SALL1: variants seen among roughly 807,000 people sequenced by gnomAD.
SALL1 encodes the protein spalt like transcription factor 1.
In SALL1, 10 loss-of-function variants were observed where a neutral mutation model predicts 73.1. The ratio of observed to expected loss-of-function variants is 0.14; its 90% CI spans 0.08 to 0.23. The LOEUF (loss-of-function observed/expected upper bound fraction) is 0.23. Among genes scored for constraint, SALL1 ranks in the 10% least tolerant of loss-of-function variants. The pLI is 1.00. For synonymous variants in SALL1, 688 were observed against 689.8 expected, an observed-to-expected ratio of 1.00 and a Z score of 0.04; for missense variants, 1,520 against 1,697.3, an observed-to-expected ratio of 0.90 and a Z score of 1.84.
chr16:51,140,367 G>A lies in SALL1; in HGVS notation c.1855C>T (p.Pro619Ser). Reference sequence around the variant, plus strand: ...CTCTCTTCGCTTTTGCCACCAGAGGGTGGCAGAGTGGACCCTTCGGCTTCC... The same window carrying A: ...CTCTCTTCGCTTTTGCCACCAGAGGATGGCAGAGTGGACCCTTCGGCTTCC... ...PEEAEGSTLPPSGGKSEESGM... is the reference protein window; with the variant it reads ...PEEAEGSTLPSSGGKSEESGM... The change falls in exon 2 of 3, where the codon CCC becomes TCC. Residue 619 changes from proline to serine, a missense_variant. Transcript: ENST00000251020. The surrounding 1 kb of genome is among the most constrained non-coding windows in gnomAD (Gnocchi z 5.7). The A allele has an allele frequency of 6.2e-7, 1 of 1,614,156 alleles. No homozygotes were observed. Among genetic ancestry groups the A allele is most frequent in the Non-Finnish European group, 8.5e-7 (1 of 1,180,028 alleles).
In SALL1 at chr16:51,139,540, C is replaced by T; in HGVS notation, c.2682G>A (p.Glu894=). The change falls in exon 2 of 3, where the codon GAG becomes GAA. Residue 894 remains glutamate, a synonymous_variant. Coordinates refer to ENST00000251020, the MANE Select transcript of SALL1 (RefSeq NM_002968.3). ...ATGAATCATTGGTCAGGACATCCCCCTCGATGGACCCATTCTCCACTGACT... is the reference window on the plus strand; with the variant it reads ...ATGAATCATTGGTCAGGACATCCCCTTCGATGGACCCATTCTCCACTGACT... ...SLKSVENGSI[E]GDVLTNDSSS... is the part of the protein sequence containing the mutation. 1 of 1,614,230 alleles carries T rather than the reference C, an allele frequency of 6.2e-7. No individual in the cohort carries two copies.
At chr16:51,150,086 G>C (rs896072289) in intron 1 of SALL1, among the ~76,000 whole-genome samples, 1 of 152,204 alleles carries the variant, frequency 6.6e-6, no homozygotes, top group Non-Finnish European at 1.5e-5. Context: ...CCGGTACCGT[G>C]AAACACCTTT....
intron 1 of SALL1, 84 bp from the exon 2 acceptor site, chr16:51,142,229 A>C: frequency 9.1e-7 from 1 of 1,103,206 alleles, no homozygotes; most frequent in Non-Finnish European, 1.4e-6. Context: ...AGGCTAATCA[A>C]TGGTTTTCCA....
At chr16:51,150,449 C>T (rs928924208) in intron 1 of SALL1, 27 of 985,480 alleles carry the variant, frequency 2.7e-5, no homozygotes, top group Non-Finnish European at 3.3e-5. Context: ...TTTTGCGAGC[C>T]AGACCCCGAC....
chr16:51,151,159 C>T lies in SALL1; in HGVS notation c.76+7G>A. ...TGTGTGTCCACGGCGCGGGCCGGAG[C>T]ACTCACCATCTCGCCGGGGGAGCGA... On this transcript the variant is annotated splice_region_variant and intron_variant, in intron 1 of 2. Transcript: ENST00000251020. 6.3e-7 allele frequency: 1 copy of T among 1,591,998 alleles called. No individual in the cohort carries two copies. Among genetic ancestry groups the T allele is most frequent in the East Asian group, 2.3e-5 (1 of 43,926 alleles).
In SALL1 at chr16:51,137,039, G is replaced by T; in HGVS notation, c.*73C>A. ...AAGGAAGGGGCGGGGCGGGGTGGGG[G>T]GCAAGGAGTAGGAGGCCACCATAGG... On this transcript the variant is annotated 3_prime_UTR_variant, in exon 3 of 3. Transcript: ENST00000251020. 6.4e-6 allele frequency: 9 copies of T among 1,396,206 alleles called. No homozygotes were observed. The highest frequency in any genetic ancestry group is 9.0e-6 in the Non-Finnish European group (9 of 995,064). The allele number at this position is 1,396,206 out of a possible 1,614,324, so 86.5% of individuals were successfully genotyped here.
intron 1 of SALL1, among the ~76,000 whole-genome samples, chr16:51,148,880 T>C (rs1057100385): frequency 3.7e-5 from 5 of 135,618 alleles, no homozygotes; most frequent in Admixed American, 1.6e-4. Context: ...CCATTACTAC[T>C]GAAGAAAAAG....
At position 51,136,339 on chromosome 16, in the gene SALL1, T is replaced by C. The variant is rs1406906757; in HGVS notation, c.*773A>G. The C allele has an allele frequency of 1.3e-5, 2 of 152,670 alleles. No individual in the cohort carries two copies. Among genetic ancestry groups the C allele is most frequent in the Admixed American group, 6.5e-5 (1 of 15,288 alleles). 9.5% of individuals were successfully genotyped at this position (152,670 alleles called of 1,614,324 possible). ...GTGAAATTCCAGCACACATTTTCTA[T>C]CGTGAATATACCTACAAGGCAAAAT... On this transcript the variant is annotated 3_prime_UTR_variant, in exon 3 of 3. Coordinates refer to ENST00000251020, the MANE Select transcript of SALL1 (RefSeq NM_002968.3).
chr16:51,139,763 T>G lies in SALL1; in HGVS notation c.2459A>C (p.Asp820Ala), dbSNP rs1962381079. The stretch of plus-strand genomic sequence containing the variant: ...GTTTTCATCAGAGAAGTTGTCTAGG[T>G]CATCAAAATTTTTCTCATCAAAGGA... Reference protein sequence around the residue: ...TGSFDEKNFDDLDNFSDENME... With the variant: ...TGSFDEKNFDALDNFSDENME... The change falls in exon 2 of 3, where the codon GAC becomes GCC. Residue 820 changes from aspartate to alanine, a missense_variant. This residue lies in a region of SALL1 where 266 missense variants were observed against 275.1 expected (regional missense o/e 0.97). Coordinates refer to ENST00000251020, the MANE Select transcript of SALL1 (RefSeq NM_002968.3). 1.9e-6 allele frequency: 3 copies of G among 1,614,138 alleles called. No individual in the cohort carries two copies. The East Asian group carries it at 6.7e-5, about 36-fold the overall frequency.
intron 1 of SALL1, among the ~76,000 whole-genome samples, chr16:51,147,122 A>G (rs1962528719): frequency 6.6e-6 from 1 of 152,176 alleles, no homozygotes; most frequent in African/African-American, 2.4e-5. Context: ...CTACCTCCAA[A>G]AGTATAAAGA....
At chr16:51,143,692 C>T (rs1962476756) in intron 1 of SALL1, among the ~76,000 whole-genome samples, 1 of 152,186 alleles carries the variant, frequency 6.6e-6, no homozygotes, top group Non-Finnish European at 1.5e-5. Flanking sequence ...AAAATTAATA[C>T]CTAAATACTA....
At chr16:51,148,057 G>C (rs2143469830) in intron 1 of SALL1, among the ~76,000 whole-genome samples, 1 of 152,312 alleles carries the variant, frequency 6.6e-6, no homozygotes, top group Admixed American at 6.5e-5. Context: ...CAAGTTTAGA[G>C]TGTTTCTGGC....
At position 51,140,464 on chromosome 16, in the gene SALL1, G is replaced by C; in HGVS notation, c.1758C>G (p.Ser586Arg). The C allele has an allele frequency of 6.2e-7, 1 of 1,613,776 alleles. No homozygotes were observed. The highest frequency in any genetic ancestry group is 8.5e-7 in the Non-Finnish European group (1 of 1,179,756). Reference protein sequence around the residue: ...APIPISHSATSPPGSVKSDSG... With the variant: ...APIPISHSATRPPGSVKSDSG... ...AGTCACTTTTGACTGAGCCTGGGGG[G>C]CTGGTGGCAGAATGGCTGATGGGGA... Residue 586 changes from serine (S) to arginine (R), a missense_variant, in exon 2 of 3, where the codon AGC (serine) becomes AGG (arginine). Physicochemically the swap from Ser to Arg is moderately radical, Grantham distance 110 (BLOSUM62 -1). Coordinates refer to ENST00000251020, the MANE Select transcript of SALL1 (RefSeq NM_002968.3). The surrounding 1 kb of genome is among the most constrained non-coding windows in gnomAD (Gnocchi z 5.7).
rs1190500328 is a variant in SALL1, at chr16:51,141,788, C to A, written c.434G>T (p.Ser145Ile). The change falls in exon 2 of 3, where the codon AGC becomes ATC. Residue 145 changes from serine (S) to isoleucine (I), a missense_variant. By Grantham distance (142) the Ser-to-Ile change is moderately radical. Coordinates refer to ENST00000251020, the MANE Select transcript of SALL1 (RefSeq NM_002968.3). The surrounding 1 kb of genome is among the most constrained non-coding windows in gnomAD (Gnocchi z 5.4). ...GCTGCTGCTGCTTGGGGCGGTACTGCTGTGGCTGCCGCTGGAAGTGCCGCT... is the reference window on the plus strand; with the variant it reads ...GCTGCTGCTGCTTGGGGCGGTACTGATGTGGCTGCCGCTGGAAGTGCCGCT... Reference protein sequence around the residue: ...SGSGTSSGSHSSTAPSSSSSS... With the variant: ...SGSGTSSGSHISTAPSSSSSS... 1 of 1,612,664 alleles carries A rather than the reference C, an allele frequency of 6.2e-7. No individual in the cohort carries two copies. Among genetic ancestry groups the A allele is most frequent in the African/African-American group, 1.3e-5 (1 of 74,812 alleles).
At chr16:51,151,331 C>A, upstream of SALL1, 1 of 974,100 alleles carries the variant, frequency 1.0e-6, no homozygotes, top group Non-Finnish European at 1.4e-6. Context: ...GCGGCGGCGG[C>A]GGCTCCCCCC....
chr16:51,138,706 C>T lies in SALL1; in HGVS notation c.3516G>A (p.Thr1172=), dbSNP rs185193003. 2.1e-5 allele frequency: 34 copies of T among 1,613,532 alleles called. No homozygotes were observed. Among genetic ancestry groups the T allele is most frequent in the Non-Finnish European group, 2.5e-5 (30 of 1,179,586 alleles). The part of the protein sequence containing the change: ...FACTICGRAF[T]TKGNLKVHMG... ...AAGGTACCTTAAGATTGCCTTTAGT[C>T]GTGAAAGCTCTTCCACAAATAGTGC... Residue 1172 remains threonine, a synonymous_variant, in exon 2 of 3, where the codon ACG becomes ACA. Coordinates refer to ENST00000251020, the MANE Select transcript of SALL1 (RefSeq NM_002968.3).
chr16:51,137,851 C>T (rs1962341423), intron 2 of SALL1, among the ~76,000 whole-genome samples: 1 of 152,226 alleles, frequency 6.6e-6, no homozygotes, highest in African/African-American at 2.4e-5. Context: ...ATAATGGCCT[C>T]AAGCAAGCCA....
At chr16:51,150,529 A>AC (rs1962582144) in intron 1 of SALL1, 5 of 985,878 alleles carry the variant, frequency 5.1e-6, no homozygotes, top group Non-Finnish European at 6.0e-6. Flanking sequence ...CCCGGCCGCA[A>AC]CCCCAGCGGG....
Position 51,141,543 on chromosome 16 carries a change from G to C in SALL1, c.679C>G (p.Pro227Ala). 2 of 1,614,168 alleles carry C rather than the reference G, an allele frequency of 1.2e-6. No homozygotes were observed. The highest frequency in any genetic ancestry group is 1.7e-6 in the Non-Finnish European group (2 of 1,180,028). Residue 227 changes from proline (P) to alanine (A), a missense_variant, in exon 2 of 3, where the codon CCA becomes GCA. By Grantham distance (27) the Pro-to-Ala change is conservative (BLOSUM62 -1). Coordinates refer to ENST00000251020, the MANE Select transcript of SALL1 (RefSeq NM_002968.3). This position sits in a 1 kb window ranked among gnomAD's most constrained non-coding sequence, Gnocchi z 5.4. ...GCTAGGAGTTGTTCCATGAGGGCTG[G>C]GACGGCCAGCTTGCCCCCAGAGGCC... The part of the protein sequence containing the change: ...GGASGGKLAV[P>A]ALMEQLLALQ...
Sources: allele counts gnomAD v4.1 joint callset (sites outside exome capture counted in the v4.1 genomes callset), GRCh38; gene constraint gnomAD v4.1.1; regional missense constraint gnomAD v4.1.1; non-coding constraint Gnocchi (gnomAD v3.1); transcripts MANE v1.5; gene names NCBI Gene and HGNC (gene_info 2026-07-23, HGNC 2026-07-21).